SWT1: variants seen among roughly 807,000 people sequenced by gnomAD.
The protein encoded by SWT1 is transcriptional protein SWT1.
SWT1 carries 33 observed loss-of-function variants against 107.3 expected under a neutral mutation model. That is an observed-to-expected ratio of 0.31 (90% CI 0.23 to 0.41). The LOEUF (loss-of-function observed/expected upper bound fraction) is 0.41, where lower values mean the gene tolerates loss of function less well. Ranked by LOEUF, SWT1 falls within the 10% of genes least tolerant of loss-of-function variation. SWT1 has a pLI of 1.00. For missense variants in SWT1, 898 were observed against 1,028.9 expected (o/e 0.87, Z 1.74); for synonymous variants, 345 against 348.3 (o/e 0.99, Z 0.11).
chr1:185,196,095 A>T (rs1225778284), intron 10 of SWT1, among the ~76,000 whole-genome samples: 2 of 152,108 alleles, frequency 1.3e-5, no homozygotes, highest in Admixed American at 1.3e-4. Context: ...GGTATTGCCT[A>T]GGTTTTCTTC....
chr1:185,275,231 C>T (rs565804690), intron 17 of SWT1, among the ~76,000 whole-genome samples: 1 of 151,840 alleles, frequency 6.6e-6, no homozygotes, highest in Admixed American at 6.6e-5. Flanking sequence ...CATTTGGTGG[C>T]CCGTGTTCTG....
chr1:185,250,540 C>G (rs1661933155), intron 16 of SWT1, among the ~76,000 whole-genome samples: 1 of 152,220 alleles, frequency 6.6e-6, no homozygotes, highest in African/African-American at 2.4e-5. Context: ...CTATACTCCA[C>G]TTTCCCTCTG....
chr1:185,162,760 T>C (rs1160681854), intron 2 of SWT1, among the ~76,000 whole-genome samples: 1 of 152,082 alleles, frequency 6.6e-6, no homozygotes, highest in Non-Finnish European at 1.5e-5. Flanking sequence ...CCAGTACATA[T>C]AAAAATTATG....
chr1:185,230,753 T>TG (rs1273160306), intron 15 of SWT1, among the ~76,000 whole-genome samples: 3 of 151,928 alleles, frequency 2.0e-5, no homozygotes, highest in African/African-American at 7.3e-5. Flanking sequence ...TGTGTGTGTG[T>TG]TTGTTTTGTT....
chr1:185,219,760 T>C (rs1659496485), intron 14 of SWT1, among the ~76,000 whole-genome samples: 1 of 152,182 alleles, frequency 6.6e-6, no homozygotes, highest in Admixed American at 6.6e-5. Context: ...TGCTTAGATC[T>C]TTTCCATTCT....
At chr1:185,179,449 G>A (rs1157920532) in intron 5 of SWT1, among the ~76,000 whole-genome samples, 1 of 152,226 alleles carries the variant, frequency 6.6e-6, no homozygotes, top group East Asian at 1.9e-4. Context: ...AGAAATGCCA[G>A]TGGAAAATTG....
chr1:185,241,245 T>G (rs974070382), intron 16 of SWT1, among the ~76,000 whole-genome samples: 9 of 152,194 alleles, frequency 5.9e-5, no homozygotes, highest in Non-Finnish European at 1.3e-4. Flanking sequence ...TTTTAGACTC[T>G]GAACTCATTG....
chr1:185,206,858 T>G (rs1658375796), intron 13 of SWT1, 95 bp downstream of exon 13: 1 of 896,278 alleles, frequency 1.1e-6, no homozygotes, highest in Non-Finnish European at 1.6e-6. Context: ...ATGAAGAATT[T>G]GTTAATTAGT....
chr1:185,165,954 C>T (rs750680831), intron 2 of SWT1, among the ~76,000 whole-genome samples: 6 of 152,194 alleles, frequency 3.9e-5, no homozygotes, highest in Admixed American at 3.3e-4. Flanking sequence ...TTTAAAATGG[C>T]GAGTCTTCCC....
At chr1:185,256,360 A>C (rs1662516902) in intron 16 of SWT1, among the ~76,000 whole-genome samples, 1 of 148,866 alleles carries the variant, frequency 6.7e-6, no homozygotes, top group Non-Finnish European at 1.5e-5. Flanking sequence ...CTCCTGGATA[A>C]TATCCTGCAG....
At position 185,280,096 on chromosome 1, in the gene SWT1, G is replaced by A. The variant is rs147738644; in HGVS notation, c.2573+3428G>A. Among the ~76,000 whole-genome samples the A allele has an allele frequency of 4.6e-3, 699 of 152,244 alleles. 4 individuals are homozygous for A. Among genetic ancestry groups the A allele is most frequent in the Middle Eastern group, 0.01 (3 of 294 alleles). ...TCCCTACGTTTGGAGGGAGAGACCAGGTGAAGGTAATTGAATCATGAGAGC... is the reference window on the plus strand; with the variant it reads ...TCCCTACGTTTGGAGGGAGAGACCAAGTGAAGGTAATTGAATCATGAGAGC... On this transcript the variant is annotated intron_variant, in intron 18 of 18. Transcript: ENST00000367500.
At chr1:185,169,972 A>G (rs975769254) in intron 4 of SWT1, among the ~76,000 whole-genome samples, 2 of 152,180 alleles carry the variant, frequency 1.3e-5, no homozygotes, top group African/African-American at 2.4e-5. Flanking sequence ...AAGGCAGAGA[A>G]GAAATATGCA....
At chr1:185,185,456 T>C (rs1293433551) in intron 9 of SWT1, among the ~76,000 whole-genome samples, 1 of 152,164 alleles carries the variant, frequency 6.6e-6, no homozygotes, top group African/African-American at 2.4e-5. Context: ...AAGCTAAGGA[T>C]GTTCTTTATG....
chr1:185,166,753 G>T, intron 3 of SWT1, 101 bp downstream of exon 3: 2 of 715,204 alleles, frequency 2.8e-6, no homozygotes, highest in South Asian at 2.0e-5. Context: ...ATAGCCAATA[G>T]AAAGTCAGTG....
chr1:185,270,528 C>T (rs1338294377), intron 16 of SWT1, among the ~76,000 whole-genome samples: 6 of 151,906 alleles, frequency 3.9e-5, no homozygotes, highest in African/African-American at 1.5e-4. Context: ...ATGGGGAGAC[C>T]TCTTCTCTAC....
chr1:185,201,643 C>T (rs1239837587), intron 10 of SWT1, among the ~76,000 whole-genome samples: 1 of 152,160 alleles, frequency 6.6e-6, no homozygotes, highest in Non-Finnish European at 1.5e-5. Flanking sequence ...CAGAAATCAC[C>T]TGCTTTCTGC....
At position 185,166,643 on chromosome 1, in the gene SWT1, G is replaced by C. The variant is rs144268053; in HGVS notation, c.156G>C (p.Lys52Asn). 30 of 1,592,260 alleles carry C rather than the reference G, an allele frequency of 1.9e-5. 1 individual carries two copies. The highest frequency in any genetic ancestry group is 1.1e-4 in the East Asian group (5 of 44,706). The change falls in exon 3 of 19, where the codon AAG becomes AAC. Residue 52 changes from lysine to asparagine, a missense_variant. Transcript: ENST00000367500. ...SSSIRSVSSE[K>N]RKLKSDHTDV... ...CTATAAGATCAGTTTCATCAGAAAA[G>C]AGAAAACTGGTGAGTGTCTAGATAT...
At chr1:185,257,522 C>A (rs573455219) in intron 16 of SWT1, among the ~76,000 whole-genome samples, 4 of 152,190 alleles carry the variant, frequency 2.6e-5, no homozygotes, top group South Asian at 2.1e-4. Context: ...GCGCAGTATT[C>A]GGGTGGGAGT....
chr1:185,197,897 T>C (rs186448255), intron 10 of SWT1, among the ~76,000 whole-genome samples: 2 of 152,312 alleles, frequency 1.3e-5, no homozygotes, highest in East Asian at 3.9e-4. Flanking sequence ...AGCTCCTGGA[T>C]TCATTGAGTT....
Sources: allele counts gnomAD v4.1 joint callset (sites outside exome capture counted in the v4.1 genomes callset), GRCh38; gene constraint gnomAD v4.1.1; transcripts MANE v1.5; gene names NCBI Gene and HGNC (gene_info 2026-07-23, HGNC 2026-07-21).